The following USH2A variants were observed in gnomAD, a reference collection of about 807,000 sequenced individuals.
The protein encoded by USH2A is usherin.
A neutral mutation model predicts 538.9 loss-of-function variants in USH2A; 443 were observed. That is an observed-to-expected ratio of 0.82 (90% confidence interval 0.76 to 0.89). The LOEUF (loss-of-function observed/expected upper bound fraction) is 0.89, where lower values mean the gene tolerates loss of function less well. Ranked by LOEUF, USH2A falls within the 40% of genes least tolerant of loss-of-function variation. The probability of loss-of-function intolerance (pLI) is 0.00; values close to 1 mark genes in which losing one functional copy is unlikely to be tolerated. For missense variants in USH2A, 6,633 were observed against 6,324.8 expected (o/e 1.05, Z -1.65); for synonymous variants, 2,413 against 2,273.5 (o/e 1.06, Z -1.75).
At position 215,819,988 on chromosome 1, in the gene USH2A, T is replaced by C. The variant is rs185986511; in HGVS notation, c.9372-2793A>G. ...TAGCGGGATTAATAGTTTCATTGCT[T>C]TGATGTTTAAGAGTAAAATAGAAGG... On this transcript the variant is annotated intron_variant, in intron 47 of 71. Coordinates refer to ENST00000307340, the MANE Select transcript of USH2A (RefSeq NM_206933.4). Among the ~76,000 whole-genome samples the C allele has an allele frequency of 3.2e-3, 479 of 151,818 alleles. 5 individuals are homozygous for C. The highest frequency in any genetic ancestry group is 0.011 in the African/African-American group (442 of 41,506).
intron 43 of USH2A, among the ~76,000 whole-genome samples, chr1:215,872,564 T>G (rs1294357832): frequency 6.6e-6 from 1 of 152,184 alleles, no homozygotes; most frequent in Non-Finnish European, 1.5e-5. Context: ...GTTTTTCTGC[T>G]TTTTTATTCT....
chr1:215,899,942 C>A, intron 40 of USH2A, 133 bp downstream of exon 40: 1 of 1,316,792 alleles, frequency 7.6e-7, no homozygotes, highest in African/African-American at 1.5e-5. Context: ...CACTCTCTTG[C>A]CCTAGAAAAG....
At chr1:216,012,472 T>C (rs957182634) in intron 32 of USH2A, among the ~76,000 whole-genome samples, 1 of 152,074 alleles carries the variant, frequency 6.6e-6, no homozygotes, top group Non-Finnish European at 1.5e-5. Flanking sequence ...AGGCCTTTCC[T>C]ACAGGGTCTG....
intron 21 of USH2A, among the ~76,000 whole-genome samples, chr1:216,107,862 T>C (rs1267091164): frequency 6.6e-6 from 1 of 151,764 alleles, no homozygotes; most frequent in Non-Finnish European, 1.5e-5. Context: ...ACACACATAC[T>C]ATCACAAATT....
At chr1:215,635,096 G>A (rs556988625) in intron 69 of USH2A, among the ~76,000 whole-genome samples, 1 of 152,166 alleles carries the variant, frequency 6.6e-6, no homozygotes, top group Non-Finnish European at 1.5e-5. Context: ...ATGAGGGACT[G>A]GGACCCTTAC....
intron 35 of USH2A, among the ~76,000 whole-genome samples, chr1:215,984,310 C>G (rs1459962102): frequency 6.6e-6 from 1 of 152,196 alleles, no homozygotes; most frequent in Non-Finnish European, 1.5e-5. Context: ...CAAAATAAAA[C>G]TGTAACATGC....
At chr1:216,091,863 T>C (rs2032309743) in intron 22 of USH2A, among the ~76,000 whole-genome samples, 1 of 152,172 alleles carries the variant, frequency 6.6e-6, no homozygotes. Flanking sequence ...ATCTCGTTTT[T>C]TCCTGATAAA....
intron 15 of USH2A, among the ~76,000 whole-genome samples, chr1:216,212,325 T>A (rs759098292): frequency 2.0e-5 from 3 of 152,134 alleles, no homozygotes; most frequent in Non-Finnish European, 4.4e-5. Context: ...AGCCAGAAGG[T>A]TTAGATGACT....
intron 15 of USH2A, among the ~76,000 whole-genome samples, chr1:216,212,485 T>C (rs1372183250): frequency 2.0e-5 from 3 of 152,178 alleles, no homozygotes; most frequent in Admixed American, 1.3e-4. Flanking sequence ...GACTCTCTTT[T>C]ATGGGATGAG....
intron 21 of USH2A, among the ~76,000 whole-genome samples, chr1:216,167,580 C>T (rs906898729): frequency 3.9e-5 from 6 of 152,092 alleles, no homozygotes; most frequent in South Asian, 2.1e-4. Context: ...CTACTGTACA[C>T]GTGGACAGCC....
intron 61 of USH2A, among the ~76,000 whole-genome samples, chr1:215,683,116 A>G (rs1044471112): frequency 7.9e-5 from 12 of 151,892 alleles, no homozygotes; most frequent in Non-Finnish European, 2.9e-5. Flanking sequence ...CCAACTCTAG[A>G]GCTCAAGTCA....
At chr1:216,084,988 A>G in intron 24 of USH2A, 111 bp from the exon 25 acceptor site, 1 of 979,964 alleles carries the variant, frequency 1.0e-6, no homozygotes, top group Non-Finnish European at 1.6e-6. Context: ...CTCACTACCT[A>G]TTTACTGCAA....
intron 3 of USH2A, among the ~76,000 whole-genome samples, chr1:216,404,823 C>T (rs1396739732): frequency 1.3e-5 from 2 of 151,738 alleles, no homozygotes; most frequent in African/African-American, 2.4e-5. Flanking sequence ...GAGGTTTCAC[C>T]AAGTTGCCCA....
chr1:216,238,129 A>C (rs2102532029), intron 13 of USH2A, among the ~76,000 whole-genome samples: 1 of 152,312 alleles, frequency 6.6e-6, no homozygotes, highest in Non-Finnish European at 1.5e-5. Flanking sequence ...GAAACAAGAT[A>C]CTTTGTTTTA....
chr1:216,084,598 G>T, intron 25 of USH2A, 100 bp downstream of exon 25: 1 of 1,284,994 alleles, frequency 7.8e-7, no homozygotes, highest in Non-Finnish European at 1.1e-6. Flanking sequence ...GTGATACTAG[G>T]TTCATATGAG....
intron 50 of USH2A, among the ~76,000 whole-genome samples, chr1:215,794,631 A>AT (rs1389798173): frequency 2.0e-5 from 3 of 152,194 alleles, no homozygotes; most frequent in Middle Eastern, 3.4e-3. Flanking sequence ...AAAAAGATAT[A>AT]TTTTTTCCTT....
chr1:216,383,871 T>G (rs1439751567), intron 3 of USH2A, among the ~76,000 whole-genome samples: 1 of 149,868 alleles, frequency 6.7e-6, no homozygotes, highest in Non-Finnish European at 1.5e-5. Flanking sequence ...TCTTTCTTTT[T>G]TTTTTTTTTT....
chr1:216,149,119 A>G (rs551798), intron 21 of USH2A, among the ~76,000 whole-genome samples: 135,946 of 151,996 alleles, frequency 0.89, 61,040 homozygotes, highest in East Asian at 0.98. Context: ...ACAAGAGCCA[A>G]GACCACACCC....
At chr1:216,283,421 A>G (rs2102598179) in intron 11 of USH2A, among the ~76,000 whole-genome samples, 1 of 152,308 alleles carries the variant, frequency 6.6e-6, no homozygotes, top group Non-Finnish European at 1.5e-5. Flanking sequence ...TTTTGAATTA[A>G]TTCCTTAGGA....
Sources: allele counts gnomAD v4.1 joint callset (sites outside exome capture counted in the v4.1 genomes callset), GRCh38; gene constraint gnomAD v4.1.1; transcripts MANE v1.5; gene names NCBI Gene and HGNC (gene_info 2026-07-23, HGNC 2026-07-21).